Variants in TEX36 observed in about 807,000 individuals in gnomAD.
TEX36 encodes the protein testis-expressed protein 36.
In TEX36, 12 loss-of-function variants were observed where a neutral mutation model predicts 13.6. The observed-to-expected ratio is 0.88, with a 90% CI of 0.56 to 1.43. TEX36 has a LOEUF of 1.43. Ranked by LOEUF, TEX36 falls within the 40% of genes most tolerant of loss-of-function variation. TEX36 has a pLI of 0.00. For missense variants in TEX36, 224 were observed against 228.3 expected (o/e 0.98, Z 0.12); for synonymous variants, 93 against 83.0 (o/e 1.12, Z -0.65).
chr10:125,634,333 T>C (rs945691724), intron 3 of TEX36, among the ~76,000 whole-genome samples: 2 of 152,190 alleles, frequency 1.3e-5, no homozygotes, highest in Non-Finnish European at 2.9e-5. Context: ...CTCATTTACC[T>C]CCACACATTT....
intron 3 of TEX36, among the ~76,000 whole-genome samples, chr10:125,601,662 G>A (rs1846148532): frequency 6.6e-6 from 1 of 152,220 alleles, no homozygotes; most frequent in Non-Finnish European, 1.5e-5. Context: ...GCTTCCCACT[G>A]CTGATGGCTC....
downstream of TEX36, among the ~76,000 whole-genome samples, chr10:125,653,735 C>G (rs1399577349): frequency 2.0e-5 from 3 of 152,116 alleles, no homozygotes; most frequent in Non-Finnish European, 4.4e-5. Flanking sequence ...TAGCTTATGC[C>G]TCTAATCCCA....
intron 3 of TEX36, among the ~76,000 whole-genome samples, chr10:125,613,085 C>G (rs966498891): frequency 6.6e-6 from 1 of 151,880 alleles, no homozygotes; most frequent in Non-Finnish European, 1.5e-5. Context: ...GAGAGCAGAA[C>G]AGTAGCAGAG....
chr10:125,667,027 G>C, intron 1 of TEX36: 1 of 1,469,832 alleles, frequency 6.8e-7, no homozygotes, highest in Non-Finnish European at 9.3e-7. Context: ...TCCTGCCCCA[G>C]GCCTTCAGGG....
intron 1 of TEX36, chr10:125,667,472 G>A: frequency 1.4e-6 from 1 of 719,214 alleles, no homozygotes; most frequent in South Asian, 1.4e-5. Context: ...GGCAAGGGCT[G>A]AGGGGGTGTG....
chr10:125,596,467 G>A (rs1846082671), intron 3 of TEX36, among the ~76,000 whole-genome samples: 1 of 152,140 alleles, frequency 6.6e-6, no homozygotes, highest in South Asian at 2.1e-4. Flanking sequence ...GAATACCAGT[G>A]GCACGTAGAG....
chr10:125,656,629 A>T (rs1223845365), intron 3 of TEX36, among the ~76,000 whole-genome samples: 1 of 151,948 alleles, frequency 6.6e-6, no homozygotes, highest in African/African-American at 2.4e-5. Flanking sequence ...GCACACTATG[A>T]CGACTGTCTC....
intron 3 of TEX36, among the ~76,000 whole-genome samples, chr10:125,646,024 C>G (rs566852400): frequency 1.3e-5 from 2 of 152,286 alleles, no homozygotes; most frequent in East Asian, 3.9e-4. Context: ...TTCTCAATAA[C>G]TATTGAATTA....
At chr10:125,662,507 G>A (rs11244598) in intron 1 of TEX36, among the ~76,000 whole-genome samples, 2,442 of 152,214 alleles carry the variant, frequency 0.016, 33 homozygotes, top group Non-Finnish European at 0.022. Context: ...GGAAAAAGAG[G>A]GGGTAGAAGG....
rs1237805143 is a variant in TEX36, at chr10:125,666,886, G to T, written c.52-4909C>A. On this transcript the variant is annotated intron_variant, in intron 1 of 3. Coordinates refer to ENST00000368821, the MANE Select transcript of TEX36 (RefSeq NM_001128202.3). ...GGGAACACCTCCACTTAGTAGGTAT[G>T]GTTAGAGATGAAGAGGGACTCTCTA... 9.5e-6 allele frequency: 4 copies of T among 421,186 alleles called. No individual in the cohort carries two copies. The Admixed American group carries it at 1.4e-4, about 14-fold the overall frequency. The allele number at this position is 421,186 out of a possible 1,614,324, so 26.1% of individuals were successfully genotyped here.
chr10:125,587,990 T>C (rs1316592359), intron 3 of TEX36, among the ~76,000 whole-genome samples: 3 of 152,180 alleles, frequency 2.0e-5, no homozygotes, highest in African/African-American at 7.2e-5. Context: ...AGATTCTCCA[T>C]CTGGTGTGGA....
At chr10:125,652,594 A>C (rs1846877444), downstream of TEX36, among the ~76,000 whole-genome samples, 1 of 152,234 alleles carries the variant, frequency 6.6e-6, no homozygotes, top group South Asian at 2.1e-4. Flanking sequence ...TTCATGACTA[A>C]AACACCAAAA....
chr10:125,618,255 A>G (rs1846383218), downstream of TEX36, among the ~76,000 whole-genome samples: 3 of 151,760 alleles, frequency 2.0e-5, no homozygotes, highest in African/African-American at 7.3e-5. Flanking sequence ...GCTCGGAGTA[A>G]TTTGATCGTC....
intron 3 of TEX36, among the ~76,000 whole-genome samples, chr10:125,611,760 C>A (rs1041839338): frequency 3.0e-4 from 46 of 151,952 alleles, no homozygotes; most frequent in Non-Finnish European, 8.8e-5. Context: ...TAGTATTATG[C>A]TAAAAGAAAA....
In TEX36 at chr10:125,661,912, G is replaced by A. The variant is rs1459574252; in HGVS notation, c.117C>T (p.Pro39=). Reference sequence around the variant, plus strand: ...CTTGCCGAGGCAAGTGTGGACTCTGGGGCTCTTTTGACGTAGCACTGGTGA... The same window carrying A: ...CTTGCCGAGGCAAGTGTGGACTCTGAGGCTCTTTTGACGTAGCACTGGTGA... ...ESITSATSKE[P]QSPHLPRQAE... The change falls in exon 2 of 4, where the codon CCC becomes CCT. Residue 39 remains proline, a synonymous_variant. Coordinates refer to ENST00000368821, the MANE Select transcript of TEX36 (RefSeq NM_001128202.3). 1.9e-6 allele frequency: 3 copies of A among 1,552,140 alleles called. No homozygotes were observed. Among genetic ancestry groups the A allele is most frequent in the Non-Finnish European group, 2.6e-6 (3 of 1,147,122 alleles).
chr10:125,598,363 A>T (rs1846106755), intron 3 of TEX36, among the ~76,000 whole-genome samples: 1 of 152,142 alleles, frequency 6.6e-6, no homozygotes, highest in Non-Finnish European at 1.5e-5. Flanking sequence ...TTTGGCGGTG[A>T]TGGTAACCCT....
At chr10:125,638,858 A>T (rs1024848074) in intron 3 of TEX36, among the ~76,000 whole-genome samples, 1 of 152,244 alleles carries the variant, frequency 6.6e-6, no homozygotes, top group Non-Finnish European at 1.5e-5. Context: ...CTGAGACTTC[A>T]TGTTCCCAAA....
intron 1 of TEX36, among the ~76,000 whole-genome samples, chr10:125,674,338 C>T (rs1847279731): frequency 6.6e-6 from 1 of 152,110 alleles, no homozygotes; most frequent in Non-Finnish European, 1.5e-5. Context: ...TATCATGGTT[C>T]TTAGCTTCTT....
intron 3 of TEX36, among the ~76,000 whole-genome samples, chr10:125,589,669 A>G (rs1490067972): frequency 1.3e-5 from 2 of 152,194 alleles, no homozygotes; most frequent in African/African-American, 4.8e-5. Flanking sequence ...ATGTCAATAG[A>G]TTTCCTAACC....
Sources: gnomAD v4.1 joint callset for allele counts (sites outside exome capture counted in the v4.1 genomes callset) on GRCh38, gnomAD v4.1.1 for gene constraint, MANE v1.5 for transcripts, NCBI Gene and HGNC (gene_info 2026-07-23, HGNC 2026-07-21) for gene names.